PCDHGA1: variants seen among roughly 807,000 people sequenced by gnomAD.
PCDHGA1 encodes protocadherin gamma subfamily A, 1, also known as protocadherin gamma-A1.
Under a neutral mutation model 58.0 loss-of-function variants are expected in PCDHGA1, and 32 were observed. That is an observed-to-expected ratio of 0.55 (90% CI 0.42 to 0.74). The LOEUF (loss-of-function observed/expected upper bound fraction) is 0.74. PCDHGA1 is among the 30% of genes least tolerant of loss of function. The probability of loss-of-function intolerance (pLI) is 0.00; values close to 1 mark genes in which losing one functional copy is unlikely to be tolerated. For missense variants in PCDHGA1, 1,205 were observed against 1,182.3 expected (o/e 1.02, Z -0.28); for synonymous variants, 498 against 501.1 (o/e 0.99, Z 0.08).
intron 1 of PCDHGA1, chr5:141,428,729 A>T (rs1362138016): frequency 6.3e-6 from 1 of 159,768 alleles, no homozygotes; most frequent in East Asian, 1.8e-4. Flanking sequence ...AATCTTAAAC[A>T]TATTATATCT....
At chr5:141,499,689 CTTT>C (rs545067566) in intron 2 of PCDHGA1, among the ~76,000 whole-genome samples, 2 of 119,848 alleles carry the variant, frequency 1.7e-5, no homozygotes, top group African/African-American at 3.1e-5. Context: ...TAACAGATGA[CTTT>C]TTTTTTTTTT....
intron 1 of PCDHGA1, among the ~76,000 whole-genome samples, chr5:141,483,201 C>A (rs2099578254): frequency 6.6e-6 from 1 of 152,108 alleles, no homozygotes; most frequent in Non-Finnish European, 1.5e-5. Context: ...TTATTTTATT[C>A]CATATAGATG....
intron 1 of PCDHGA1, chr5:141,423,279 C>T: frequency 1.9e-6 from 3 of 1,614,032 alleles, no homozygotes; most frequent in Non-Finnish European, 2.5e-6. Flanking sequence ...CTCTGGCTAA[C>T]TCTGAAACCT....
Position 141,512,171 on chromosome 5 carries a change from T to C in PCDHGA1, c.*998T>C, listed in dbSNP as rs140884268. ...GGGCTGAGCTAACAGGACCAATGGA[T>C]TAAACTGGCATTTCAGTCCAAGGAA... On this transcript the variant is annotated 3_prime_UTR_variant, in exon 4 of 4. Transcript: ENST00000517417. 584 of 152,796 alleles carry C rather than the reference T, an allele frequency of 3.8e-3. 5 individuals carry two copies. The highest frequency in any genetic ancestry group is 0.011 in the Admixed American group (167 of 15,298). The allele number at this position is 152,796 out of a possible 1,614,324, so 9.5% of individuals were successfully genotyped here. A position where few individuals can be genotyped will look rare whatever the true frequency, so the allele number is the denominator to read the frequency against.
chr5:141,455,737 A>T (rs1290390106), intron 1 of PCDHGA1, among the ~76,000 whole-genome samples: 1 of 152,162 alleles, frequency 6.6e-6, no homozygotes, highest in Non-Finnish European at 1.5e-5. Context: ...TTTGCATATC[A>T]AAGGTTGCTG....
intron 1 of PCDHGA1, among the ~76,000 whole-genome samples, chr5:141,337,037 T>C (rs958197805): frequency 6.6e-6 from 1 of 152,152 alleles, no homozygotes; most frequent in East Asian, 1.9e-4. Context: ...ATGTTCAACA[T>C]CACTAGTCAT....
intron 1 of PCDHGA1, chr5:141,441,678 G>A (rs952726158): frequency 3.4e-6 from 1 of 292,424 alleles, no homozygotes; most frequent in Non-Finnish European, 6.7e-6. Flanking sequence ...GTGCGCCTTC[G>A]ACCAAGAGCA....
At chr5:141,484,989 T>C (rs1295192640) in intron 1 of PCDHGA1, 4 of 604,024 alleles carry the variant, frequency 6.6e-6, no homozygotes, top group Non-Finnish European at 1.2e-5. Context: ...AATCGGGTGG[T>C]GAAAGGCAGA....
intron 1 of PCDHGA1, 97 bp from the exon 2 acceptor site, chr5:141,494,710 C>G: frequency 6.2e-7 from 1 of 1,600,966 alleles, no homozygotes; most frequent in Admixed American, 1.7e-5. Context: ...TCTCTGTGCC[C>G]ACTCCCCTCC....
At chr5:141,453,145 G>A (rs1329081754) in intron 1 of PCDHGA1, among the ~76,000 whole-genome samples, 3 of 151,752 alleles carry the variant, frequency 2.0e-5, no homozygotes, top group Admixed American at 6.6e-5. Context: ...ATAGGGTCTC[G>A]CTATGTCACC....
In PCDHGA1 at chr5:141,477,718, A is replaced by G; in HGVS notation, c.2422-17089A>G. 6.2e-7 allele frequency: 1 copy of G among 1,613,928 alleles called. No homozygotes were observed. The highest frequency in any genetic ancestry group is 8.5e-7 in the Non-Finnish European group (1 of 1,180,034). On this transcript the variant is annotated intron_variant, in intron 1 of 3. Coordinates refer to ENST00000517417, the MANE Select transcript of PCDHGA1 (RefSeq NM_018912.3). The surrounding 1 kb of genome is among the most constrained non-coding windows in gnomAD (Gnocchi z 4.9). ...ACTATGAGGATCGGCGGGAATTTGA[A>G]TTAACAGCTCATATCAGCGATGGGG...
chr5:141,445,433 C>A (rs2098466883), intron 1 of PCDHGA1, among the ~76,000 whole-genome samples: 1 of 152,136 alleles, frequency 6.6e-6, no homozygotes, highest in Non-Finnish European at 1.5e-5. Flanking sequence ...AAGGCACTGA[C>A]CTATGGACTA....
chr5:141,366,198 C>G (rs187196267), intron 1 of PCDHGA1: 1 of 1,613,774 alleles, frequency 6.2e-7, no homozygotes, highest in Non-Finnish European at 8.5e-7. Context: ...GGGCTGCACA[C>G]GGGCGAGGTG....
chr5:141,355,345 GC>G (rs762863131), intron 1 of PCDHGA1: 17 of 1,613,902 alleles, frequency 1.1e-5, no homozygotes, highest in African/African-American at 1.3e-5. Flanking sequence ...GGGCAACATC[GC>G]CAAGGACCTG....
chr5:141,427,998 C>T, intron 1 of PCDHGA1: 1 of 1,600,956 alleles, frequency 6.2e-7, no homozygotes, highest in Non-Finnish European at 8.6e-7. Flanking sequence ...TGGCTCCGCA[C>T]TCTTCGATAT....
chr5:141,352,306 G>A lies in PCDHGA1; in HGVS notation c.2421+19201G>A, dbSNP rs73265820. Reference sequence around the variant, plus strand: ...GCCCTGAGCCCTCTGACCCCCAGACGGAACTGCAGTTTTACCTGGTTGTGG... The same window carrying A: ...GCCCTGAGCCCTCTGACCCCCAGACAGAACTGCAGTTTTACCTGGTTGTGG... On this transcript the variant is annotated intron_variant, in intron 1 of 3. Transcript: ENST00000517417. 2,608 of 1,613,610 alleles carry A rather than the reference G, an allele frequency of 1.6e-3. 36 individuals are homozygous for A. The African/African-American group carries it at 0.031, about 19-fold the overall frequency.
chr5:141,333,206 TG>T, intron 1 of PCDHGA1, 101 bp downstream of exon 1: 9 of 1,528,432 alleles, frequency 5.9e-6, no homozygotes, highest in Non-Finnish European at 8.0e-6. Flanking sequence ...TTCTAACCCA[TG>T]TATCTTTGTA....
chr5:141,396,962 T>C (rs2150689685), intron 1 of PCDHGA1, among the ~76,000 whole-genome samples: 1 of 152,308 alleles, frequency 6.6e-6, no homozygotes, highest in South Asian at 2.1e-4. Flanking sequence ...ATCCTTACTC[T>C]CCCTAAAAAT....
intron 1 of PCDHGA1, among the ~76,000 whole-genome samples, chr5:141,402,311 A>G (rs1174114133): frequency 1.3e-5 from 2 of 152,022 alleles, no homozygotes; most frequent in Non-Finnish European, 2.9e-5. Flanking sequence ...ATACAATTAT[A>G]TATTTTACAT....
Sources: gnomAD v4.1 joint callset for allele counts (sites outside exome capture counted in the v4.1 genomes callset) on GRCh38, gnomAD v4.1.1 for gene constraint, Gnocchi (gnomAD v3.1) non-coding constraint, MANE v1.5 for transcripts, NCBI Gene and HGNC (gene_info 2026-07-23, HGNC 2026-07-21) for gene names.